The following HS3ST4 variants were observed in gnomAD, a reference collection of about 807,000 sequenced individuals.
HS3ST4 encodes the protein heparan sulfate-glucosamine 3-sulfotransferase 4.
Under a neutral mutation model 29.2 loss-of-function variants are expected in HS3ST4, and 17 were observed. The observed-to-expected ratio is 0.58, with a 90% CI of 0.40 to 0.87. HS3ST4 has a LOEUF of 0.87. Ranked by LOEUF, HS3ST4 falls within the 40% of genes least tolerant of loss-of-function variation. The pLI is 0.00. For synonymous variants in HS3ST4, 314 were observed against 285.7 expected (o/e 1.10, Z -1.00); for missense variants, 627 against 634.5 (o/e 0.99, Z 0.13).
intron 1 of HS3ST4, among the ~76,000 whole-genome samples, chr16:25,982,744 C>T (rs1969021450): frequency 6.6e-6 from 1 of 152,062 alleles, no homozygotes; most frequent in African/African-American, 2.4e-5. Context: ...GCAGGAGGAT[C>T]ACTTGAGGCC....
intron 1 of HS3ST4, among the ~76,000 whole-genome samples, chr16:25,914,180 A>T (rs1968268936): frequency 8.0e-6 from 1 of 125,282 alleles, no homozygotes; most frequent in African/African-American, 3.0e-5. Context: ...TGTGGAGGGT[A>T]TGGTGTGTGT....
intron 1 of HS3ST4, among the ~76,000 whole-genome samples, chr16:25,808,577 A>T (rs1967011539): frequency 6.6e-6 from 1 of 151,992 alleles, no homozygotes; most frequent in African/African-American, 2.4e-5. Flanking sequence ...CTTTTTCAAG[A>T]TTGTTTTAAA....
chr16:25,813,808 T>C (rs1361398419), intron 1 of HS3ST4, among the ~76,000 whole-genome samples: 1 of 152,162 alleles, frequency 6.6e-6, no homozygotes. Flanking sequence ...TTATTTGCAA[T>C]AGCTAACACC....
intron 1 of HS3ST4, among the ~76,000 whole-genome samples, chr16:25,848,077 GT>G (rs201263468): frequency 0.016 from 2,404 of 152,198 alleles, 29 homozygotes; most frequent in Non-Finnish European, 0.021. Flanking sequence ...GAGAATGTCA[GT>G]AGAACTCATC....
At chr16:26,022,784 A>C (rs1969427062) in intron 1 of HS3ST4, among the ~76,000 whole-genome samples, 1 of 151,244 alleles carries the variant, frequency 6.6e-6, no homozygotes, top group Non-Finnish European at 1.5e-5. Flanking sequence ...ATGTGCTGAG[A>C]TTATACCACA....
In HS3ST4 at chr16:26,049,470, CTGTGTGTGTG is replaced by C. The variant is rs113562359; in HGVS notation, c.735-86126_735-86117del. On this transcript the variant is annotated intron_variant, in intron 1 of 1. Coordinates refer to ENST00000331351, the MANE Select transcript of HS3ST4 (RefSeq NM_006040.3). Reference sequence around the variant, plus strand: ...TAGTTGCAGTGGGGAATGCGTGCCTCTGTGTGTGTGTGTGTGTGTGTGTGTATGTGTGTGT... The same window carrying C: ...TAGTTGCAGTGGGGAATGCGTGCCTCTGTGTGTGTGTGTGTATGTGTGTGT... Among the ~76,000 whole-genome samples the C allele has an allele frequency of 2.8e-5, 4 of 145,080 alleles. No individual in the cohort carries two copies. In the South Asian group the frequency reaches 8.9e-4, roughly 32 times the overall value.
At chr16:26,051,771 A>G (rs1188946742) in intron 1 of HS3ST4, among the ~76,000 whole-genome samples, 4 of 141,534 alleles carry the variant, frequency 2.8e-5, no homozygotes, top group African/African-American at 1.1e-4. Context: ...TCCCCACCCC[A>G]CACACTTTCT....
intron 1 of HS3ST4, among the ~76,000 whole-genome samples, chr16:26,118,599 A>C (rs4129574): frequency 0.061 from 9,279 of 152,258 alleles, 323 homozygotes; most frequent in Middle Eastern, 0.11. Flanking sequence ...AATTTTAGTT[A>C]ATTTAAAATT....
At chr16:25,773,136 C>T (rs566620572) in intron 1 of HS3ST4, among the ~76,000 whole-genome samples, 1 of 152,164 alleles carries the variant, frequency 6.6e-6, no homozygotes, top group South Asian at 2.1e-4. Context: ...AACTAAATGT[C>T]ACACAAAACT....
intron 1 of HS3ST4, among the ~76,000 whole-genome samples, chr16:25,828,770 T>C (rs1395149893): frequency 6.6e-6 from 1 of 152,218 alleles, no homozygotes; most frequent in Non-Finnish European, 1.5e-5. Context: ...TATTTGCATT[T>C]CTGTTCTTGT....
At chr16:25,764,275 AAGAG>A (rs1363221229) in intron 1 of HS3ST4, among the ~76,000 whole-genome samples, 2 of 152,178 alleles carry the variant, frequency 1.3e-5, no homozygotes, top group African/African-American at 2.4e-5. Flanking sequence ...CTGCAGGAGA[AAGAG>A]AGGGTGAGAA....
intron 1 of HS3ST4, among the ~76,000 whole-genome samples, chr16:25,855,111 G>A (rs1967562319): frequency 6.6e-6 from 1 of 152,190 alleles, no homozygotes; most frequent in Non-Finnish European, 1.5e-5. Context: ...TAGGTCATAG[G>A]AGGATTTCAA....
intron 1 of HS3ST4, among the ~76,000 whole-genome samples, chr16:25,885,932 TA>T (rs1349472653): frequency 6.6e-6 from 1 of 150,578 alleles, no homozygotes; most frequent in Non-Finnish European, 1.5e-5. Context: ...AGTTAGGTGC[TA>T]AAGACCAAGA....
At chr16:25,906,409 T>C (rs1968181078) in intron 1 of HS3ST4, among the ~76,000 whole-genome samples, 1 of 152,216 alleles carries the variant, frequency 6.6e-6, no homozygotes, top group African/African-American at 2.4e-5. Context: ...GACTTTCATT[T>C]GCTCATTCAT....
At chr16:25,913,271 G>A (rs879552421) in intron 1 of HS3ST4, among the ~76,000 whole-genome samples, 9 of 152,246 alleles carry the variant, frequency 5.9e-5, no homozygotes, top group Non-Finnish European at 1.2e-4. Context: ...ACCCCCCCGG[G>A]GATGGTTAAG....
chr16:25,867,189 A>G (rs1360769404), intron 1 of HS3ST4, among the ~76,000 whole-genome samples: 6 of 152,118 alleles, frequency 3.9e-5, no homozygotes, highest in African/African-American at 1.4e-4. Flanking sequence ...CCTTATGTCC[A>G]CCCCAGATCC....
chr16:25,704,183 A>G (rs1966357386), intron 1 of HS3ST4, among the ~76,000 whole-genome samples: 2 of 152,168 alleles, frequency 1.3e-5, no homozygotes, highest in Non-Finnish European at 2.9e-5. Flanking sequence ...AAGAACCCTC[A>G]CATTTCTTGG....
chr16:26,059,447 A>G (rs1017341351), intron 1 of HS3ST4, among the ~76,000 whole-genome samples: 3 of 152,254 alleles, frequency 2.0e-5, no homozygotes, highest in Non-Finnish European at 4.4e-5. Context: ...TAAGAATGAA[A>G]TAAAGTAGGG....
intron 1 of HS3ST4, among the ~76,000 whole-genome samples, chr16:25,694,918 TTAAAA>T (rs71812479): frequency 0.48 from 72,270 of 151,640 alleles, 17,660 homozygotes; most frequent in Admixed American, 0.57. Context: ...TTTGGGTGAC[TTAAAA>T]TAAAGTTAAT....
Sources: gnomAD v4.1 joint callset for allele counts (sites outside exome capture counted in the v4.1 genomes callset) on GRCh38, gnomAD v4.1.1 for gene constraint, MANE v1.5 for transcripts, NCBI Gene and HGNC (gene_info 2026-07-23, HGNC 2026-07-21) for gene names.